Variants in TOX observed in about 807,000 individuals in gnomAD.
TOX encodes the protein thymocyte selection-associated high mobility group box protein TOX.
A neutral mutation model predicts 53.7 loss-of-function variants in TOX; 11 were observed. The ratio of observed to expected loss-of-function variants is 0.20; its 90% CI spans 0.13 to 0.34. The LOEUF is 0.34. Ranked by LOEUF, TOX falls within the 10% of genes least tolerant of loss-of-function variation. TOX has a pLI of 1.00. For synonymous variants in TOX, 225 were observed against 245.3 expected, an observed-to-expected ratio of 0.92 and a Z score of 0.77; for missense variants, 570 against 664.6, an observed-to-expected ratio of 0.86 and a Z score of 1.56.
intron 1 of TOX, among the ~76,000 whole-genome samples, chr8:59,010,787 G>C (rs181618603): frequency 6.6e-6 from 1 of 152,294 alleles, no homozygotes; most frequent in East Asian, 1.9e-4. Context: ...ATTTCTCCTA[G>C]AGACACAACT....
chr8:58,897,536 T>C (rs1053754895), intron 3 of TOX, among the ~76,000 whole-genome samples: 9 of 152,114 alleles, frequency 5.9e-5, no homozygotes, highest in African/African-American at 2.2e-4. Flanking sequence ...AACTCAGTAA[T>C]GTGTTCTCTG....
chr8:58,966,291 A>G (rs1418736120), intron 1 of TOX, among the ~76,000 whole-genome samples: 3 of 152,194 alleles, frequency 2.0e-5, no homozygotes, highest in African/African-American at 7.2e-5. Flanking sequence ...TCACACTGAA[A>G]GGAAAGAGAC....
intron 3 of TOX, among the ~76,000 whole-genome samples, chr8:58,861,280 T>C (rs971766343): frequency 6.6e-6 from 1 of 152,204 alleles, no homozygotes; most frequent in Non-Finnish European, 1.5e-5. Flanking sequence ...CTGGGGATCA[T>C]GTGGTCCACC....
intron 4 of TOX, among the ~76,000 whole-genome samples, chr8:58,840,508 G>C (rs1300981852): frequency 6.6e-6 from 1 of 152,154 alleles, no homozygotes; most frequent in Non-Finnish European, 1.5e-5. Flanking sequence ...CTGCACATTA[G>C]AGTCACCTGG....
At chr8:59,091,824 G>C (rs1332057103) in intron 1 of TOX, among the ~76,000 whole-genome samples, 2 of 152,124 alleles carry the variant, frequency 1.3e-5, no homozygotes, top group African/African-American at 4.8e-5. Flanking sequence ...TGCTAGGTCA[G>C]TGCTGCCACT....
At chr8:58,887,697 T>C (rs1006794475) in intron 3 of TOX, among the ~76,000 whole-genome samples, 3 of 152,082 alleles carry the variant, frequency 2.0e-5, no homozygotes, top group Non-Finnish European at 4.4e-5. Context: ...ACTGTTTTTC[T>C]GTTTTGCTTG....
rs137907748 is a variant in TOX at position 58,859,995 on chromosome 8, C to T, written c.412-8190G>A. Among the ~76,000 whole-genome samples, 787 of 152,294 alleles carry T rather than the reference C, an allele frequency of 5.2e-3. 6 individuals are homozygous for T. The highest frequency in any genetic ancestry group is 0.018 in the African/African-American group (736 of 41,580). On this transcript the variant is annotated intron_variant, in intron 3 of 8. Transcript: ENST00000361421. ...TGGCCTCCTCTGCAGAACTCCACTG[C>T]AATTGCTGCCACATCCAGCAGATCC...
At chr8:58,916,034 A>G (rs1168923095) in intron 3 of TOX, among the ~76,000 whole-genome samples, 2 of 26,202 alleles carry the variant, frequency 7.6e-5, no homozygotes. Context: ...CAAAGCCTCC[A>G]AGAAATATGG....
chr8:58,969,763 T>C (rs560755433), intron 1 of TOX, among the ~76,000 whole-genome samples: 19 of 152,134 alleles, frequency 1.2e-4, no homozygotes, highest in Non-Finnish European at 2.5e-4. Flanking sequence ...TACTTCATCC[T>C]CCCCTTTGAC....
At chr8:59,090,328 T>TA (rs1297781807) in intron 1 of TOX, among the ~76,000 whole-genome samples, 12 of 152,212 alleles carry the variant, frequency 7.9e-5, no homozygotes, top group African/African-American at 2.7e-4. Flanking sequence ...TGTGACTCTT[T>TA]AAATTTTGCT....
At chr8:58,961,720 G>T (rs1275557223) in intron 1 of TOX, among the ~76,000 whole-genome samples, 1 of 152,070 alleles carries the variant, frequency 6.6e-6, no homozygotes, top group African/African-American at 2.4e-5. Context: ...TAGAGGCAGG[G>T]TCTTGAACTC....
At chr8:58,963,869 G>T (rs1375030703) in intron 1 of TOX, among the ~76,000 whole-genome samples, 1 of 152,186 alleles carries the variant, frequency 6.6e-6, no homozygotes, top group East Asian at 1.9e-4. Flanking sequence ...GCACGTAATA[G>T]GTCTTCGGAA....
chr8:59,114,185 C>A (rs187126158), intron 1 of TOX, among the ~76,000 whole-genome samples: 84 of 152,282 alleles, frequency 5.5e-4, no homozygotes, highest in Non-Finnish European at 1.0e-3. Flanking sequence ...TAGATATTTA[C>A]ATATTAGTTT....
chr8:59,040,096 G>A (rs1412935083), intron 1 of TOX, among the ~76,000 whole-genome samples: 4 of 152,126 alleles, frequency 2.6e-5, no homozygotes, highest in Non-Finnish European at 5.9e-5. Flanking sequence ...TTGGGAGGCC[G>A]AGGCGGGCGG....
intron 1 of TOX, among the ~76,000 whole-genome samples, chr8:59,059,219 A>T (rs1803936348): frequency 6.6e-6 from 1 of 152,158 alleles, no homozygotes. Context: ...ATTTCAAAAA[A>T]CATGATCCTT....
intron 3 of TOX, among the ~76,000 whole-genome samples, chr8:58,860,949 T>C (rs978635523): frequency 6.6e-6 from 1 of 152,240 alleles, no homozygotes; most frequent in Non-Finnish European, 1.5e-5. Context: ...TTATGGCGTA[T>C]AGCGTTGCCC....
intron 1 of TOX, among the ~76,000 whole-genome samples, chr8:58,997,481 A>G (rs2129417830): frequency 6.6e-6 from 1 of 152,332 alleles, no homozygotes; most frequent in East Asian, 1.9e-4. Context: ...TCAAGGCTTC[A>G]GAGCCATAGA....
intron 1 of TOX, among the ~76,000 whole-genome samples, chr8:59,057,635 A>G (rs1194188115): frequency 6.6e-6 from 1 of 152,216 alleles, no homozygotes; most frequent in Non-Finnish European, 1.5e-5. Context: ...TTCAGTGTAC[A>G]CAAACAAAAC....
intron 1 of TOX, among the ~76,000 whole-genome samples, chr8:59,047,203 G>GCT (rs1803702038): frequency 2.2e-5 from 1 of 44,674 alleles, no homozygotes; most frequent in Non-Finnish European, 4.0e-5. Context: ...ACCAAGAATT[G>GCT]TTTTTTTTTT....
Sources: gnomAD v4.1 joint callset for allele counts (sites outside exome capture counted in the v4.1 genomes callset) on GRCh38, gnomAD v4.1.1 for gene constraint, MANE v1.5 for transcripts, NCBI Gene and HGNC (gene_info 2026-07-23, HGNC 2026-07-21) for gene names.